BANP: variants seen among roughly 807,000 people sequenced by gnomAD.
BANP encodes the protein protein BANP.
Under a neutral mutation model 68.1 loss-of-function variants are expected in BANP, and 11 were observed. That is an observed-to-expected ratio of 0.16 (90% CI 0.10 to 0.27). The LOEUF (loss-of-function observed/expected upper bound fraction) is 0.27. Among genes scored for constraint, BANP ranks in the 10% least tolerant of loss-of-function variants. BANP has a pLI of 1.00. For synonymous variants in BANP, 329 were observed against 303.2 expected (o/e 1.09, Z -0.88); for missense variants, 504 against 722.7 (o/e 0.70, Z 3.47).
At chr16:88,035,625 A>G (rs943758765) in intron 10 of BANP, among the ~76,000 whole-genome samples, 1 of 152,152 alleles carries the variant, frequency 6.6e-6, no homozygotes, top group Non-Finnish European at 1.5e-5. Flanking sequence ...TGTCTTGGTA[A>G]AGATCTCCTG....
chr16:88,051,297 A>T (rs973620764), intron 11 of BANP, among the ~76,000 whole-genome samples: 3 of 152,202 alleles, frequency 2.0e-5, no homozygotes, highest in Admixed American at 2.0e-4. Context: ...ATGTGAAAAG[A>T]TTGAGGTGTG....
At chr16:87,962,424 A>G (rs2059356925) in intron 1 of BANP, among the ~76,000 whole-genome samples, 2 of 152,264 alleles carry the variant, frequency 1.3e-5, no homozygotes, top group South Asian at 2.1e-4. Flanking sequence ...CAAATATGGT[A>G]AATATCGATA....
Position 88,018,066 on chromosome 16 carries a change from C to T in BANP, c.656-362C>T, listed in dbSNP as rs141388812. 6.8e-4 allele frequency among the ~76,000 whole-genome samples: 103 copies of T among 152,224 alleles called. No individual in the cohort carries two copies. Among genetic ancestry groups the T allele is most frequent in the African/African-American group, 2.4e-3 (99 of 41,548 alleles). On this transcript the variant is annotated intron_variant, in intron 6 of 13. Transcript: ENST00000682872. The surrounding 1 kb of genome is among the most constrained non-coding windows in gnomAD (Gnocchi z 7.7). ...GTGAGGGACCCCGGGGAGGGTTCCG[C>T]TCTGCAGGTGGCTGGGGCAGGTACC...
intron 6 of BANP, among the ~76,000 whole-genome samples, chr16:88,010,540 T>G (rs1486137664): frequency 6.6e-6 from 1 of 152,252 alleles, no homozygotes; most frequent in African/African-American, 2.4e-5. Flanking sequence ...TGGCACGCCG[T>G]GCTGACCTCG....
At chr16:87,955,901 C>CG (rs1222619900) in intron 1 of BANP, among the ~76,000 whole-genome samples, 1 of 152,166 alleles carries the variant, frequency 6.6e-6, no homozygotes, top group East Asian at 1.9e-4. Context: ...CTGGCCAGTG[C>CG]GTCTCAAGTG....
At chr16:88,037,270 A>C (rs2079597227) in intron 10 of BANP, 1 of 152,238 alleles carries the variant, frequency 6.6e-6, no homozygotes, top group African/African-American at 2.4e-5. Flanking sequence ...AACTGAATCC[A>C]TCTTGTATAG....
intron 11 of BANP, among the ~76,000 whole-genome samples, chr16:88,053,132 CCAT>C (rs201304939): frequency 9.2e-5 from 14 of 151,740 alleles, no homozygotes; most frequent in Non-Finnish European, 1.2e-4. Context: ...ACTGTCATCT[CCAT>C]CATCATCATC....
intron 2 of BANP, chr16:87,978,653 A>G (rs1428123368): frequency 2.1e-6 from 1 of 470,066 alleles, no homozygotes; most frequent in African/African-American, 2.0e-5. Flanking sequence ...TACTCAAGGG[A>G]CACCCGCACC....
At position 88,071,694 on chromosome 16, in the gene BANP, G is replaced by A; in HGVS notation, c.1378-375G>A. On this transcript the variant is annotated intron_variant, in intron 12 of 13. Coordinates refer to ENST00000682872, the MANE Select transcript of BANP (RefSeq NM_001386991.1). This position sits in a 1 kb window ranked among gnomAD's most constrained non-coding sequence, Gnocchi z 6.5. The stretch of plus-strand genomic sequence containing the variant: ...ATTTTAGGCCTCAGTGGCACTCTGG[G>A]AGCGCTTGTGCTCTTCATGGTTGCC... The A allele has an allele frequency of 2.0e-6, 1 of 494,034 alleles. No homozygotes were observed. Among genetic ancestry groups the A allele is most frequent in the Non-Finnish European group, 4.0e-6 (1 of 252,124 alleles). The allele number at this position is 494,034 out of a possible 1,614,324, so 30.6% of individuals were successfully genotyped here. A position where few individuals can be genotyped will look rare whatever the true frequency, so the allele number is the denominator to read the frequency against.
At chr16:88,073,478 T>C (rs965482665) in intron 13 of BANP, among the ~76,000 whole-genome samples, 2 of 152,126 alleles carry the variant, frequency 1.3e-5, no homozygotes, top group Non-Finnish European at 2.9e-5. Context: ...TGGTTCCACA[T>C]TGTCGCCGAC....
At chr16:87,969,540 T>TTC (rs1479161622) in intron 1 of BANP, among the ~76,000 whole-genome samples, 1 of 151,592 alleles carries the variant, frequency 6.6e-6, no homozygotes, top group African/African-American at 2.4e-5. Flanking sequence ...TTGACTTTTT[T>TTC]TTTTTTTTTT....
chr16:87,972,331 C>T (rs11642031), intron 1 of BANP, among the ~76,000 whole-genome samples: 17 of 151,496 alleles, frequency 1.1e-4, no homozygotes, highest in African/African-American at 4.1e-4. Flanking sequence ...GTTCTAGCAC[C>T]TTGTTTCTGA....
chr16:87,955,779 CGT>C (rs1351478505), intron 1 of BANP, among the ~76,000 whole-genome samples: 1 of 152,148 alleles, frequency 6.6e-6, no homozygotes, highest in African/African-American at 2.4e-5. Context: ...AGTCATAAGA[CGT>C]TGACACCAAG....
At chr16:88,008,242 G>C (rs2071860879) in intron 6 of BANP, among the ~76,000 whole-genome samples, 1 of 152,206 alleles carries the variant, frequency 6.6e-6, no homozygotes, top group South Asian at 2.1e-4. Context: ...CATCTGGGTG[G>C]TTTGCACTTT....
chr16:88,045,985 C>T (rs192024406), intron 11 of BANP, among the ~76,000 whole-genome samples: 186 of 152,358 alleles, frequency 1.2e-3, no homozygotes, highest in African/African-American at 3.7e-3. Flanking sequence ...CACCAGCCTC[C>T]GGGCTGCCCT....
chr16:88,037,832 A>G, intron 10 of BANP, 141 bp from the exon 11 acceptor site: 1 of 744,090 alleles, frequency 1.3e-6, no homozygotes, highest in Non-Finnish European at 2.4e-6. Context: ...TTTTGTTGCT[A>G]CTGGAGGTTG....
chr16:87,970,877 T>A (rs2060977929), intron 1 of BANP, among the ~76,000 whole-genome samples: 1 of 152,022 alleles, frequency 6.6e-6, no homozygotes, highest in Non-Finnish European at 1.5e-5. Context: ...AGTAGCCAGG[T>A]GTGCTGGTGG....
At chr16:88,055,429 G>T (rs1407384204) in intron 11 of BANP, among the ~76,000 whole-genome samples, 1 of 152,190 alleles carries the variant, frequency 6.6e-6, no homozygotes, top group Non-Finnish European at 1.5e-5. Context: ...TCAGCTGACG[G>T]CAGGCTTGGT....
At chr16:88,061,890 C>T (rs2086916454) in intron 11 of BANP, among the ~76,000 whole-genome samples, 1 of 152,068 alleles carries the variant, frequency 6.6e-6, no homozygotes, top group African/African-American at 2.4e-5. Context: ...GTCTCCCAAC[C>T]TCAGGTGACC....
Sources: allele counts gnomAD v4.1 joint callset (sites outside exome capture counted in the v4.1 genomes callset), GRCh38; gene constraint gnomAD v4.1.1; non-coding constraint Gnocchi (gnomAD v3.1); transcripts MANE v1.5; gene names NCBI Gene and HGNC (gene_info 2026-07-23, HGNC 2026-07-21).